The following SGMS2 variants were observed in gnomAD, a reference collection of about 807,000 sequenced individuals.
SGMS2 encodes the protein phosphatidylcholine:ceramide cholinephosphotransferase 2.
SGMS2 carries 21 observed loss-of-function variants against 43.8 expected under a neutral mutation model. The ratio of observed to expected loss-of-function variants is 0.48; its 90% confidence interval spans 0.34 to 0.69. The LOEUF (loss-of-function observed/expected upper bound fraction) is 0.69, where lower values mean the gene tolerates loss of function less well. Among genes scored for constraint, SGMS2 ranks in the 30% least tolerant of loss-of-function variants. SGMS2 has a pLI of 0.01. For synonymous variants in SGMS2, 167 were observed against 160.6 expected, an observed-to-expected ratio of 1.04 and a Z score of -0.30; for missense variants, 384 against 443.2, an observed-to-expected ratio of 0.87 and a Z score of 1.20.
intron 1 of SGMS2, among the ~76,000 whole-genome samples, chr4:107,849,814 A>G (rs999848193): frequency 6.6e-6 from 1 of 152,226 alleles, no homozygotes; most frequent in African/African-American, 2.4e-5. Context: ...CACAAACTAC[A>G]TTATTCCATT....
At chr4:107,834,409 TC>T (rs1726059392) in intron 1 of SGMS2, among the ~76,000 whole-genome samples, 1 of 152,222 alleles carries the variant, frequency 6.6e-6, no homozygotes, top group South Asian at 2.1e-4. Flanking sequence ...GCCACTTGAA[TC>T]TTTTTTGTCA....
At chr4:107,877,162 A>G (rs979106195) in intron 2 of SGMS2, among the ~76,000 whole-genome samples, 1 of 152,132 alleles carries the variant, frequency 6.6e-6, no homozygotes, top group African/African-American at 2.4e-5. Context: ...TTAAAAAATT[A>G]GCTGGCATGG....
chr4:107,851,616 G>A (rs1560637939), intron 1 of SGMS2, among the ~76,000 whole-genome samples: 1 of 152,140 alleles, frequency 6.6e-6, no homozygotes, highest in Non-Finnish European at 1.5e-5. Context: ...TAACACTTCT[G>A]TATATCCTGA....
chr4:107,842,530 AGG>A (rs1194558667), intron 1 of SGMS2, among the ~76,000 whole-genome samples: 3 of 152,156 alleles, frequency 2.0e-5, no homozygotes, highest in Non-Finnish European at 4.4e-5. Context: ...TGAGATTTGG[AGG>A]GGATGAACAT....
rs1446494161 is a variant in SGMS2 at position 107,912,342 on chromosome 4, G to T, written c.*1789G>T. ...TCCTTGGCAGGCTTTGAAGCACACA[G>T]AATTTTCTAGTATTTCTTATTAAAT... On this transcript the variant is annotated 3_prime_UTR_variant, in exon 7 of 7. Transcript: ENST00000690982. The T allele has an allele frequency of 2.6e-5, 4 of 152,138 alleles. No individual in the cohort carries two copies. The highest frequency in any genetic ancestry group is 9.7e-5 in the African/African-American group (4 of 41,436). 9.4% of individuals were successfully genotyped at this position (152,138 alleles called of 1,614,324 possible).
chr4:107,880,910 G>A (rs1356430375), intron 2 of SGMS2, among the ~76,000 whole-genome samples: 1 of 151,638 alleles, frequency 6.6e-6, no homozygotes, highest in African/African-American at 2.4e-5. Context: ...AGATGTCTTG[G>A]TATTTAGGAA....
At chr4:107,879,711 C>G (rs146413537) in intron 2 of SGMS2, among the ~76,000 whole-genome samples, 17,190 of 152,184 alleles carry the variant, frequency 0.11, 1,240 homozygotes, top group South Asian at 0.36. Flanking sequence ...ATCCACCTGC[C>G]TCAGCTTCCC....
At chr4:107,887,015 A>C (rs1297693332) in intron 2 of SGMS2, among the ~76,000 whole-genome samples, 3 of 152,252 alleles carry the variant, frequency 2.0e-5, no homozygotes, top group Non-Finnish European at 4.4e-5. Flanking sequence ...AAATAGCTTA[A>C]AAGTTTTCCT....
At chr4:107,890,095 A>T (rs1730078915) in intron 2 of SGMS2, among the ~76,000 whole-genome samples, 1 of 152,230 alleles carries the variant, frequency 6.6e-6, no homozygotes, top group Non-Finnish European at 1.5e-5. Context: ...AAAACCCAAG[A>T]GTAGCCTCTG....
chr4:107,832,651 C>T (rs975794422), intron 1 of SGMS2, among the ~76,000 whole-genome samples: 1 of 152,186 alleles, frequency 6.6e-6, no homozygotes, highest in Non-Finnish European at 1.5e-5. Flanking sequence ...AAAAAAATTG[C>T]ACCTGTTCAA....
rs1172907939 is a variant in SGMS2 at position 107,913,484 on chromosome 4, G to A, written c.*2931G>A. On this transcript the variant is annotated 3_prime_UTR_variant, in exon 7 of 7. Coordinates refer to ENST00000690982, the MANE Select transcript of SGMS2 (RefSeq NM_001375905.1). ...ATTAGGGTTATTTCCTGTATTACCA[G>A]TGCCCCCTTGTGGCAATATACTTTA... 3 of 152,140 alleles carry A rather than the reference G, an allele frequency of 2.0e-5. No homozygotes were observed. Among genetic ancestry groups the A allele is most frequent in the Admixed American group, 2.0e-4 (3 of 15,266 alleles). The allele number at this position is 152,140 out of a possible 1,614,324, so 9.4% of individuals were successfully genotyped here.
chr4:107,892,321 A>G (rs1730300256), intron 2 of SGMS2, among the ~76,000 whole-genome samples: 1 of 151,736 alleles, frequency 6.6e-6, no homozygotes, highest in Non-Finnish European at 1.5e-5. Context: ...ATTCTCTGGA[A>G]TGGGTGCTTC....
chr4:107,871,655 C>G (rs1728565158), intron 2 of SGMS2, among the ~76,000 whole-genome samples: 3 of 152,216 alleles, frequency 2.0e-5, no homozygotes, highest in Admixed American at 6.5e-5. Flanking sequence ...ACCATTGCTA[C>G]ATATTTAACC....
intron 2 of SGMS2, among the ~76,000 whole-genome samples, chr4:107,894,902 T>C (rs1288215204): frequency 6.6e-6 from 1 of 152,230 alleles, no homozygotes; most frequent in Non-Finnish European, 1.5e-5. Context: ...CAGTTTTTTA[T>C]TCTTTCTTTA....
At chr4:107,838,918 T>C (rs540119087) in intron 1 of SGMS2, among the ~76,000 whole-genome samples, 28 of 152,286 alleles carry the variant, frequency 1.8e-4, no homozygotes, top group Admixed American at 1.4e-3. Context: ...GCCACTGCCT[T>C]GCCTGGACTG....
intron 1 of SGMS2, among the ~76,000 whole-genome samples, chr4:107,858,014 C>A (rs899192894): frequency 1.3e-5 from 2 of 152,104 alleles, no homozygotes; most frequent in East Asian, 1.9e-4. Context: ...TGCCCCACCC[C>A]CCCCATCCCC....
At chr4:107,896,068 G>GTTA (rs1730644217) in intron 3 of SGMS2, 60 bp downstream of exon 3, 2 of 1,442,566 alleles carry the variant, frequency 1.4e-6, no homozygotes, top group Non-Finnish European at 9.4e-7. Context: ...GAATAGATGG[G>GTTA]TTATTGAGAT....
At chr4:107,892,564 A>T (rs562364064) in intron 2 of SGMS2, among the ~76,000 whole-genome samples, 3 of 152,278 alleles carry the variant, frequency 2.0e-5, no homozygotes, top group East Asian at 3.9e-4. Context: ...TCTTGAAGAC[A>T]TGTGCCCAAG....
chr4:107,890,073 C>A (rs10018838), intron 2 of SGMS2, among the ~76,000 whole-genome samples: 3,492 of 152,246 alleles, frequency 0.023, 133 homozygotes, highest in African/African-American at 0.079. Flanking sequence ...GTCTAAACTA[C>A]ACTTTTCTTT....
Sources: gnomAD v4.1 joint callset for allele counts (sites outside exome capture counted in the v4.1 genomes callset) on GRCh38, gnomAD v4.1.1 for gene constraint, MANE v1.5 for transcripts, NCBI Gene and HGNC (gene_info 2026-07-23, HGNC 2026-07-21) for gene names.